ST7: variants seen among roughly 807,000 people sequenced by gnomAD.
The protein encoded by ST7 is suppression of tumorigenicity 7, also known as suppressor of tumorigenicity 7 protein.
Under a neutral mutation model 78.7 loss-of-function variants are expected in ST7, and 28 were observed. The ratio of observed to expected loss-of-function variants is 0.36; its 90% CI spans 0.26 to 0.49. ST7 has a LOEUF of 0.49. ST7 is among the 20% of genes least tolerant of loss of function. The pLI is 0.99. For synonymous variants in ST7, 247 were observed against 249.6 expected, an observed-to-expected ratio of 0.99 and a Z score of 0.10; for missense variants, 418 against 696.0, an observed-to-expected ratio of 0.60 and a Z score of 4.49.
chr7:117,171,610 G>A (rs1253309400), intron 10 of ST7, among the ~76,000 whole-genome samples: 7 of 150,734 alleles, frequency 4.6e-5, no homozygotes, highest in Non-Finnish European at 3.0e-5. Flanking sequence ...AAAATAAGCC[G>A]GCACATCCTA....
chr7:116,995,934 C>A (rs536011433), intron 1 of ST7, among the ~76,000 whole-genome samples: 4 of 152,224 alleles, frequency 2.6e-5, no homozygotes, highest in Admixed American at 1.3e-4. Flanking sequence ...CTGTGGGCTG[C>A]CAGCTTTTAA....
chr7:117,097,702 C>T (rs1801160474), intron 1 of ST7, among the ~76,000 whole-genome samples: 1 of 150,334 alleles, frequency 6.7e-6, no homozygotes, highest in Non-Finnish European at 1.5e-5. Context: ...TTTTAAGCAC[C>T]TCTGAATCAT....
chr7:117,117,266 T>TTG (rs1563094550), intron 2 of ST7, among the ~76,000 whole-genome samples: 2 of 151,936 alleles, frequency 1.3e-5, no homozygotes, highest in African/African-American at 2.4e-5. Context: ...AACCCAGGGT[T>TTG]TGTGTGTGTG....
intron 9 of ST7, among the ~76,000 whole-genome samples, chr7:117,151,116 C>T (rs1311158895): frequency 6.6e-6 from 1 of 152,206 alleles, no homozygotes; most frequent in East Asian, 1.9e-4. Flanking sequence ...CTTCCACTGT[C>T]GCCTGTATAG....
intron 1 of ST7, among the ~76,000 whole-genome samples, chr7:116,992,911 G>A (rs1794490881): frequency 6.6e-6 from 1 of 152,224 alleles, no homozygotes; most frequent in Non-Finnish European, 1.5e-5. Flanking sequence ...CTCTTAGGCA[G>A]GGGCAAAGTG....
In ST7 at chr7:117,210,280, G is replaced by A. The variant is rs578157709; in HGVS notation, c.1405+343G>A. Among the ~76,000 whole-genome samples the A allele has an allele frequency of 1.5e-4, 23 of 152,328 alleles. No individual in the cohort carries two copies. The South Asian group carries it at 4.6e-3, about 30-fold the overall frequency. On this transcript the variant is annotated intron_variant, in intron 13 of 15. Transcript: ENST00000323984. ...GATCTTTGGCATTGGGTTAGGCTTC[G>A]TGCTGGACACTGATGACCACTTCTT...
chr7:117,222,123 G>A lies in ST7; in HGVS notation c.1638+61G>A, dbSNP rs931681325. The A allele has an allele frequency of 2.6e-6, 4 of 1,536,392 alleles. No homozygotes were observed. In the Admixed American group the frequency reaches 6.3e-5, roughly 24 times the overall value. ...GATGGGGAAAGCCAAGGGCATAAAA[G>A]CAGCGTGAGAGAAATGGGGTTGCCT... On this transcript the variant is annotated intron_variant, in intron 15 of 15. Coordinates refer to ENST00000323984, the MANE Select transcript of ST7 (RefSeq NM_001369598.1).
intron 9 of ST7, among the ~76,000 whole-genome samples, chr7:117,164,248 G>A (rs897290490): frequency 4.6e-5 from 7 of 152,256 alleles, no homozygotes; most frequent in African/African-American, 1.4e-4. Flanking sequence ...ACTGGAGAAA[G>A]GACAGTCTCT....
intron 1 of ST7, among the ~76,000 whole-genome samples, chr7:117,032,827 G>C (rs1168389030): frequency 6.6e-6 from 1 of 152,184 alleles, no homozygotes; most frequent in African/African-American, 2.4e-5. Flanking sequence ...AGCTGCAAGG[G>C]TGAATATACT....
At chr7:117,059,328 C>G (rs1038852945) in intron 1 of ST7, among the ~76,000 whole-genome samples, 10 of 151,732 alleles carry the variant, frequency 6.6e-5, no homozygotes, top group African/African-American at 2.2e-4. Flanking sequence ...TACTATGTAC[C>G]CACAAAAATT....
chr7:117,098,741 A>C, intron 1 of ST7: 1 of 1,292,282 alleles, frequency 7.7e-7, no homozygotes, highest in Non-Finnish European at 1.0e-6. Context: ...CCCTACTTCT[A>C]AAACCAGACT....
intron 1 of ST7, among the ~76,000 whole-genome samples, chr7:117,094,674 G>T (rs891786759): frequency 6.6e-6 from 1 of 152,120 alleles, no homozygotes; most frequent in African/African-American, 2.4e-5. Context: ...GGAAACCAAA[G>T]CTCTGCAAGA....
chr7:116,971,734 TTTC>T (rs1793434860), intron 1 of ST7, among the ~76,000 whole-genome samples: 1 of 152,166 alleles, frequency 6.6e-6, no homozygotes, highest in African/African-American at 2.4e-5. Flanking sequence ...GCCTATACCT[TTTC>T]TTCTCTATGG....
chr7:117,134,104 A>T lies in ST7; in HGVS notation c.642-20A>T. On this transcript the variant is annotated intron_variant, in intron 6 of 15. Transcript: ENST00000323984. ...CCTATCAATTTTCATTTTACCAACT[A>T]TTTTTTTCTTCTTGGTCAGAATTAG... 1 of 1,610,194 alleles carries T rather than the reference A, an allele frequency of 6.2e-7. No individual in the cohort carries two copies. Among genetic ancestry groups the T allele is most frequent in the Non-Finnish European group, 8.5e-7 (1 of 1,178,154 alleles).
chr7:117,193,611 G>A (rs770253442), intron 12 of ST7, among the ~76,000 whole-genome samples: 2 of 152,196 alleles, frequency 1.3e-5, no homozygotes, highest in African/African-American at 2.4e-5. Context: ...CCAGGAAACA[G>A]ACCAGCCTAG....
intron 2 of ST7, among the ~76,000 whole-genome samples, chr7:117,106,450 A>G (rs1801970799): frequency 6.6e-6 from 1 of 151,728 alleles, no homozygotes; most frequent in African/African-American, 2.4e-5. Context: ...TTTTTGGGAA[A>G]CAGTTGGTAT....
At chr7:117,059,424 T>A (rs891689149) in intron 1 of ST7, among the ~76,000 whole-genome samples, 3 of 152,216 alleles carry the variant, frequency 2.0e-5, no homozygotes, top group African/African-American at 7.2e-5. Flanking sequence ...GCAAGAAATA[T>A]GTCTTTGCCT....
intron 1 of ST7, among the ~76,000 whole-genome samples, chr7:117,095,866 G>C (rs1199153710): frequency 6.6e-6 from 1 of 151,826 alleles, no homozygotes; most frequent in African/African-American, 2.4e-5. Context: ...TCAGGAGTTT[G>C]AGAGAGGCCT....
chr7:117,067,291 A>G (rs1798690862), intron 1 of ST7, among the ~76,000 whole-genome samples: 2 of 151,980 alleles, frequency 1.3e-5, no homozygotes, highest in African/African-American at 4.8e-5. Flanking sequence ...TGATAACTCT[A>G]TCATTTACAT....
Sources: allele counts gnomAD v4.1 joint callset (sites outside exome capture counted in the v4.1 genomes callset), GRCh38; gene constraint gnomAD v4.1.1; transcripts MANE v1.5; gene names NCBI Gene and HGNC (gene_info 2026-07-23, HGNC 2026-07-21).